RPTOR: variants seen among roughly 807,000 people sequenced by gnomAD.
The protein encoded by RPTOR is regulatory-associated protein of mTOR.
Under a neutral mutation model 169.9 loss-of-function variants are expected in RPTOR, and 21 were observed. The ratio of observed to expected loss-of-function variants is 0.12; its 90% CI spans 0.09 to 0.18. The LOEUF is 0.18. RPTOR is among the 10% of genes least tolerant of loss of function. The pLI is 1.00. For synonymous variants in RPTOR, 732 were observed against 753.2 expected, an observed-to-expected ratio of 0.97 and a Z score of 0.46; for missense variants, 1,133 against 1,855.9, an observed-to-expected ratio of 0.61 and a Z score of 7.16.
intron 6 of RPTOR, among the ~76,000 whole-genome samples, chr17:80,789,857 C>T (rs1181814610): frequency 6.6e-6 from 1 of 152,080 alleles, no homozygotes; most frequent in Non-Finnish European, 1.5e-5. Flanking sequence ...ATATTTTGTC[C>T]AGAGCTTATC....
chr17:80,947,640 AAC>A lies in RPTOR; in HGVS notation c.3265+290_3265+291del, dbSNP rs905822717. The stretch of plus-strand genomic sequence containing the variant: ...AAGCCTCTGACAGCCTCTGTCCTTA[AAC>A]CCCTGTGAGAGACCCGGTGGGTCCC... On this transcript the variant is annotated intron_variant, in intron 27 of 33. Coordinates refer to ENST00000306801, the MANE Select transcript of RPTOR (RefSeq NM_020761.3). The surrounding 1 kb of genome is among the most constrained non-coding windows in gnomAD (Gnocchi z 4.4). Among the ~76,000 whole-genome samples, 10 of 152,064 alleles carry A rather than the reference AAC, an allele frequency of 6.6e-5. No individual in the cohort carries two copies.
At chr17:80,622,451 A>G (rs917265199) in intron 1 of RPTOR, among the ~76,000 whole-genome samples, 14 of 152,316 alleles carry the variant, frequency 9.2e-5, no homozygotes, top group African/African-American at 3.4e-4. Context: ...AAATACAGTG[A>G]CTTTTGTTGT....
At chr17:80,602,881 C>G in intron 1 of RPTOR, 1 of 483,030 alleles carries the variant, frequency 2.1e-6, no homozygotes, top group Non-Finnish European at 3.8e-6. Flanking sequence ...TCGCTGATTG[C>G]AGAATGGCCG....
intron 24 of RPTOR, among the ~76,000 whole-genome samples, chr17:80,938,271 C>G (rs532314592): frequency 1.1e-3 from 170 of 152,336 alleles, no homozygotes; most frequent in African/African-American, 3.9e-3. Flanking sequence ...ATTTCTACCC[C>G]CCACGTCTGG....
At chr17:80,913,533 G>A (rs117127533) in intron 21 of RPTOR, among the ~76,000 whole-genome samples, 1 of 152,092 alleles carries the variant, frequency 6.6e-6, no homozygotes, top group African/African-American at 2.4e-5. Context: ...GCTCACTGCA[G>A]CCTCGACCTC....
intron 33 of RPTOR, 27 bp downstream of exon 33, chr17:80,963,084 G>T: frequency 7.0e-7 from 1 of 1,420,810 alleles, no homozygotes; most frequent in Non-Finnish European, 9.6e-7. Context: ...GTGGGGGTCG[G>T]GGGTCGGGGG....
chr17:80,955,265 C>G (rs371205066), intron 28 of RPTOR, among the ~76,000 whole-genome samples: 3 of 152,244 alleles, frequency 2.0e-5, no homozygotes, highest in Non-Finnish European at 4.4e-5. Flanking sequence ...CAAGAGGCAC[C>G]AGGGCCCTCA....
intron 1 of RPTOR, among the ~76,000 whole-genome samples, chr17:80,622,064 A>C (rs950176632): frequency 6.6e-6 from 1 of 152,222 alleles, no homozygotes; most frequent in Non-Finnish European, 1.5e-5. Flanking sequence ...TAGGGACAAG[A>C]TAAGAAGCCA....
At position 80,878,650 on chromosome 17, in the gene RPTOR, A is replaced by T. The variant is rs571131094; in HGVS notation, c.1510-1765A>T. 3.3e-5 allele frequency among the ~76,000 whole-genome samples: 5 copies of T among 152,296 alleles called. No individual in the cohort carries two copies. The highest frequency in any genetic ancestry group is 3.3e-4 in the Admixed American group (5 of 15,302). On this transcript the variant is annotated intron_variant, in intron 13 of 33. Transcript: ENST00000306801. The surrounding 1 kb of genome is among the most constrained non-coding windows in gnomAD (Gnocchi z 4.1). ...CATGAGCCACCACGCCCAGCTGAGC[A>T]CAGATTTTTAAAACTTTACCTGGGT...
intron 3 of RPTOR, among the ~76,000 whole-genome samples, chr17:80,670,734 G>GT (rs912315920): frequency 2.6e-5 from 4 of 152,138 alleles, no homozygotes; most frequent in African/African-American, 9.7e-5. Context: ...AGCACCTGGC[G>GT]TTTGCCTGTA....
At chr17:80,608,463 GT>G (rs990317110) in intron 1 of RPTOR, among the ~76,000 whole-genome samples, 1 of 152,160 alleles carries the variant, frequency 6.6e-6, no homozygotes, top group Non-Finnish European at 1.5e-5. Context: ...CTCATTAGAG[GT>G]TTGTCACCGA....
intron 1 of RPTOR, among the ~76,000 whole-genome samples, chr17:80,612,632 G>A (rs1431289022): frequency 6.6e-6 from 1 of 152,102 alleles, no homozygotes; most frequent in East Asian, 1.9e-4. Flanking sequence ...ACTCTTCTTC[G>A]ACTTTTAATT....
At chr17:80,958,206 C>CCCG (rs1555641354) in intron 29 of RPTOR, among the ~76,000 whole-genome samples, 4,724 of 135,862 alleles carry the variant, frequency 0.035, 147 homozygotes, top group Non-Finnish European at 0.055. Flanking sequence ...CACCCCCCCC[C>CCCG]CCCACCACCA....
chr17:80,751,392 TG>T (rs1219427407), intron 5 of RPTOR, among the ~76,000 whole-genome samples: 20 of 152,198 alleles, frequency 1.3e-4, no homozygotes, highest in Admixed American at 1.2e-3. Context: ...GGGGACTCTG[TG>T]TCCTCGTCGT....
intron 6 of RPTOR, among the ~76,000 whole-genome samples, chr17:80,769,190 C>T (rs2066817540): frequency 1.3e-5 from 2 of 151,914 alleles, no homozygotes; most frequent in African/African-American, 4.8e-5. Flanking sequence ...GCAAGTAGAC[C>T]CATAAGGATG....
intron 6 of RPTOR, among the ~76,000 whole-genome samples, chr17:80,780,770 C>T (rs1316587596): frequency 1.3e-5 from 2 of 152,132 alleles, no homozygotes; most frequent in African/African-American, 2.4e-5. Context: ...CCCCCCTCAC[C>T]CTCCCCCCGG....
At chr17:80,891,697 T>C (rs765422809) in intron 17 of RPTOR, 23 bp from the exon 18 acceptor site, 7 of 1,495,768 alleles carry the variant, frequency 4.7e-6, no homozygotes, top group Non-Finnish European at 6.5e-6. Flanking sequence ...GTGACTGTTA[T>C]TGTCCCTTCT....
At position 80,707,250 on chromosome 17, in the gene RPTOR, G is replaced by C. The variant is rs1425751337; in HGVS notation, c.349-591G>C. 6.6e-6 allele frequency among the ~76,000 whole-genome samples: 1 copy of C among 152,206 alleles called. No homozygotes were observed. Among genetic ancestry groups the C allele is most frequent in the African/African-American group, 2.4e-5 (1 of 41,448 alleles). On this transcript the variant is annotated intron_variant, in intron 3 of 33. Transcript: ENST00000306801. The surrounding 1 kb of genome is among the most constrained non-coding windows in gnomAD (Gnocchi z 5.0). ...GTTTTCAGAAGGACCGCGTACTTCT[G>C]AGAAACACTTGGTACCCCAGTGGCA...
Position 80,820,447 on chromosome 17 carries a change from G to A in RPTOR, c.891-1754G>A, listed in dbSNP as rs749955479. 6.6e-5 allele frequency among the ~76,000 whole-genome samples: 10 copies of A among 152,294 alleles called. No homozygotes were observed. The East Asian group carries it at 9.7e-4, about 15-fold the overall frequency. ...GTGTCCCGGGCAGCCACCCCTGTTCGCGCTGGCGCTTGAGGGCTGAGATGA... is the reference window on the plus strand; with the variant it reads ...GTGTCCCGGGCAGCCACCCCTGTTCACGCTGGCGCTTGAGGGCTGAGATGA... On this transcript the variant is annotated intron_variant, in intron 7 of 33. Coordinates refer to ENST00000306801, the MANE Select transcript of RPTOR (RefSeq NM_020761.3). This position sits in a 1 kb window ranked among gnomAD's most constrained non-coding sequence, Gnocchi z 4.1.
Sources: gnomAD v4.1 joint callset for allele counts (sites outside exome capture counted in the v4.1 genomes callset) on GRCh38, gnomAD v4.1.1 for gene constraint, Gnocchi (gnomAD v3.1) non-coding constraint, MANE v1.5 for transcripts, NCBI Gene and HGNC (gene_info 2026-07-23, HGNC 2026-07-21) for gene names.